The following DLG5 variants were observed in gnomAD, a reference collection of about 807,000 sequenced individuals.
The protein encoded by DLG5 is disks large homolog 5.
A neutral mutation model predicts 189.8 loss-of-function variants in DLG5; 48 were observed. That is an observed-to-expected ratio of 0.25 (90% confidence interval 0.20 to 0.32). DLG5 has a LOEUF of 0.32. Among genes scored for constraint, DLG5 ranks in the 10% least tolerant of loss-of-function variants. DLG5 has a pLI of 1.00. For missense variants in DLG5, 2,160 were observed against 2,544.7 expected, an observed-to-expected ratio of 0.85 and a Z score of 3.25; for synonymous variants, 1,016 against 1,054.1, an observed-to-expected ratio of 0.96 and a Z score of 0.70.
At chr10:77,852,767 GA>G (rs1321538293) in intron 5 of DLG5, among the ~76,000 whole-genome samples, 2 of 152,204 alleles carry the variant, frequency 1.3e-5, no homozygotes, top group Non-Finnish European at 2.9e-5. Flanking sequence ...AAACCAAAAT[GA>G]ACCTGTGGTC....
chr10:77,804,481 AAGCGAAGAGAGGGAGGGAGGC>A (rs1282937352), intron 27 of DLG5, among the ~76,000 whole-genome samples: 1 of 152,178 alleles, frequency 6.6e-6, no homozygotes, highest in Non-Finnish European at 1.5e-5. Flanking sequence ...TCATTGTAAA[AAGCGAAGAGAGGGAGGGAGGC>A]AGCCAGCTGC....
chr10:77,922,110 G>A (rs1268105724), intron 1 of DLG5, among the ~76,000 whole-genome samples: 4 of 152,112 alleles, frequency 2.6e-5, no homozygotes, highest in African/African-American at 9.7e-5. Context: ...CCCCAACAAG[G>A]CGGCAAGCTA....
intron 30 of DLG5, among the ~76,000 whole-genome samples, chr10:77,794,323 A>G (rs951023535): frequency 1.3e-5 from 2 of 152,194 alleles, no homozygotes; most frequent in African/African-American, 4.8e-5. Context: ...CCCCCAGCAC[A>G]CACACTTGGA....
rs776139908 is a variant in DLG5, at chr10:77,791,780, C to G, written c.*660G>C. On this transcript the variant is annotated 3_prime_UTR_variant, in exon 32 of 32. Transcript: ENST00000372391. Reference sequence around the variant, plus strand: ...AAGGCAGGAGAGAAAGGCCGAGAGACGAGTTTGTAAGAATGCCAAAGTCAC... The same window carrying G: ...AAGGCAGGAGAGAAAGGCCGAGAGAGGAGTTTGTAAGAATGCCAAAGTCAC... 6.5e-6 allele frequency: 1 copy of G among 153,012 alleles called. No homozygotes were observed. The highest frequency in any genetic ancestry group is 2.4e-5 in the African/African-American group (1 of 41,454). 9.5% of individuals were successfully genotyped at this position (153,012 alleles called of 1,614,324 possible). A position where few individuals can be genotyped will look rare whatever the true frequency, so the allele number is the denominator to read the frequency against.
intron 18 of DLG5, 56 bp from the exon 19 acceptor site, chr10:77,817,152 C>T (rs1359417936): frequency 6.8e-7 from 1 of 1,461,230 alleles, no homozygotes; most frequent in Non-Finnish European, 9.6e-7. Flanking sequence ...ACCACCCTGT[C>T]CTTCCTCTCC....
At chr10:77,799,660 G>A (rs1841100983) in intron 27 of DLG5, among the ~76,000 whole-genome samples, 1 of 152,216 alleles carries the variant, frequency 6.6e-6, no homozygotes, top group African/African-American at 2.4e-5. Flanking sequence ...CCAGGCTGAA[G>A]TGGAGTGGCA....
At chr10:77,867,773 C>A in intron 2 of DLG5, 1 of 360,988 alleles carries the variant, frequency 2.8e-6, no homozygotes, top group Non-Finnish European at 5.5e-6. Context: ...CATTTGCATT[C>A]TAAAAGGGGA....
At chr10:77,808,600 C>T (rs1841594933) in intron 24 of DLG5, among the ~76,000 whole-genome samples, 1 of 152,210 alleles carries the variant, frequency 6.6e-6, no homozygotes, top group African/African-American at 2.4e-5. Flanking sequence ...AACCATCTCC[C>T]CCATGAGGCA....
Position 77,821,836 on chromosome 10 carries a change from G to A in DLG5, c.2648C>T (p.Ala883Val). The change falls in exon 15 of 32, where the codon GCC (alanine) becomes GTC (valine). Residue 883 changes from alanine (A) to valine (V), a missense_variant. Ala to Val is a moderately conservative substitution (Grantham distance 64). Coordinates refer to ENST00000372391, the MANE Select transcript of DLG5 (RefSeq NM_004747.4). ...GCTACGCTCAGAGGCACTGGGACAG[G>A]CCTGGGGGCAGACCTGCAAGGGTCC... ...PGGPLQVCPQ[A>V]CPSASERSLS... 3.7e-6 allele frequency: 6 copies of A among 1,613,866 alleles called. No individual in the cohort carries two copies. Among genetic ancestry groups the A allele is most frequent in the Non-Finnish European group, 4.2e-6 (5 of 1,179,854 alleles).
chr10:77,921,432 A>T (rs1035393105), intron 1 of DLG5, among the ~76,000 whole-genome samples: 4 of 152,270 alleles, frequency 2.6e-5, no homozygotes, highest in African/African-American at 4.8e-5. Flanking sequence ...TGGCAGGGTT[A>T]TTCCCTTGGG....
chr10:77,849,305 T>A (rs922591488), intron 5 of DLG5, among the ~76,000 whole-genome samples: 1 of 152,224 alleles, frequency 6.6e-6, no homozygotes, highest in Non-Finnish European at 1.5e-5. Context: ...ACTGCCCTTG[T>A]CCAGAGAGGT....
chr10:77,812,483 C>T (rs1395952568), intron 20 of DLG5, 106 bp from the exon 21 acceptor site: 18 of 1,332,222 alleles, frequency 1.4e-5, no homozygotes, highest in Middle Eastern at 1.9e-4. Flanking sequence ...GAAAGGGCCC[C>T]GAGCCTGGAT....
At chr10:77,830,158 C>G in intron 11 of DLG5, 59 bp downstream of exon 11, 1 of 1,607,468 alleles carries the variant, frequency 6.2e-7, no homozygotes, top group Non-Finnish European at 8.5e-7. Context: ...CTCTTCGGGT[C>G]CTCTGCACTG....
At position 77,796,685 on chromosome 10, in the gene DLG5, C is replaced by G; in HGVS notation, c.5165-91G>C. 1 of 1,533,012 alleles carries G rather than the reference C, an allele frequency of 6.5e-7. No homozygotes were observed. Among genetic ancestry groups the G allele is most frequent in the Non-Finnish European group, 8.9e-7 (1 of 1,126,094 alleles). 95.0% of individuals were successfully genotyped at this position (1,533,012 alleles called of 1,614,324 possible). On this transcript the variant is annotated intron_variant, in intron 27 of 31. Transcript: ENST00000372391. This position sits in a 1 kb window ranked among gnomAD's most constrained non-coding sequence, Gnocchi z 5.2. ...GAACCCCGCTCCCTGACCTCGCCCA[C>G]TCTGGTTTGCCTGGGACTCCCCCAG...
In DLG5 at chr10:77,833,904, C is replaced by T; in HGVS notation, c.1748+10G>A. 1 of 1,605,440 alleles carries T rather than the reference C, an allele frequency of 6.2e-7. No individual in the cohort carries two copies. Among genetic ancestry groups the T allele is most frequent in the Non-Finnish European group, 8.5e-7 (1 of 1,179,630 alleles). On this transcript the variant is annotated intron_variant, in intron 9 of 31. Transcript: ENST00000372391. ...CATGCCCACTCCAGCGGGTGCCCACCCGAGCCTACTTGAGCTCCTTCAGCT... is the reference window on the plus strand; with the variant it reads ...CATGCCCACTCCAGCGGGTGCCCACTCGAGCCTACTTGAGCTCCTTCAGCT...
At chr10:77,903,542 T>C (rs998447626) in intron 1 of DLG5, among the ~76,000 whole-genome samples, 9 of 148,598 alleles carry the variant, frequency 6.1e-5, no homozygotes, top group Middle Eastern at 3.5e-3. Context: ...CGCTTGAACC[T>C]GGGAGGCAGA....
chr10:77,819,780 C>T (rs1294941117), intron 16 of DLG5, 115 bp downstream of exon 16: 1 of 1,466,276 alleles, frequency 6.8e-7, no homozygotes, highest in Admixed American at 2.3e-5. Flanking sequence ...TTCTCTGGAC[C>T]TCAGGGCTGA....
In DLG5 at chr10:77,807,850, C is replaced by T. The variant is rs953419715; in HGVS notation, c.4742G>A (p.Arg1581His). 9.3e-6 allele frequency: 15 copies of T among 1,614,216 alleles called. No individual in the cohort carries two copies. The highest frequency in any genetic ancestry group is 1.7e-5 in the Admixed American group (1 of 60,030). ...RDGVRLKVQY[R>H]PEEFTKAKGL... is the part of the protein sequence containing the mutation. ...CTTGGCCTTCGTGAACTCCTCAGGG[C>T]GGTACTGCACCTTCAGGCGGACGCC... The change falls in exon 25 of 32, where the codon CGC becomes CAC. Residue 1581 changes from arginine (R) to histidine (H), a missense_variant. Arg to His is a conservative substitution (Grantham distance 29). This residue lies in a region of DLG5 where 574 missense variants were observed against 644.2 expected (regional missense o/e 0.89). Transcript: ENST00000372391.
intron 1 of DLG5, among the ~76,000 whole-genome samples, chr10:77,890,750 G>C (rs1212409974): frequency 6.6e-6 from 1 of 152,190 alleles, no homozygotes; most frequent in Non-Finnish European, 1.5e-5. Context: ...TAGTTATTCT[G>C]AGCTACTGGA....
Sources: allele counts gnomAD v4.1 joint callset (sites outside exome capture counted in the v4.1 genomes callset), GRCh38; gene constraint gnomAD v4.1.1; regional missense constraint gnomAD v4.1.1; non-coding constraint Gnocchi (gnomAD v3.1); transcripts MANE v1.5; gene names NCBI Gene and HGNC (gene_info 2026-07-23, HGNC 2026-07-21).